TPTE: variants seen among roughly 807,000 people sequenced by gnomAD.
TPTE encodes transmembrane phosphatase with tensin homology.
A neutral mutation model predicts 84.1 loss-of-function variants in TPTE; 59 were observed. That is an observed-to-expected ratio of 0.70 (90% CI 0.57 to 0.87). TPTE has a LOEUF of 0.87. Ranked by LOEUF, TPTE falls within the 40% of genes least tolerant of loss-of-function variation. TPTE has a pLI of 0.00. For synonymous variants in TPTE, 130 were observed against 223.5 expected, an observed-to-expected ratio of 0.58 and a Z score of 3.73; for missense variants, 382 against 659.6, an observed-to-expected ratio of 0.58 and a Z score of 4.61.
intron 9 of TPTE, among the ~76,000 whole-genome samples, chr21:10,559,933 C>CAT (rs1263557858): frequency 3.8e-3 from 576 of 150,442 alleles, no homozygotes; most frequent in African/African-American, 0.013. Flanking sequence ...TCTATATATA[C>CAT]ATATATATAT....
At chr21:10,522,222 C>T (rs1242856791) in intron 1 of TPTE, among the ~76,000 whole-genome samples, 3 of 152,292 alleles carry the variant, frequency 2.0e-5, no homozygotes, top group African/African-American at 7.2e-5. Flanking sequence ...CCAGCTGGCT[C>T]CTGCGCTTCC....
chr21:10,558,498 C>T (rs2145667845), intron 8 of TPTE, among the ~76,000 whole-genome samples: 1 of 152,424 alleles, frequency 6.6e-6, no homozygotes, highest in African/African-American at 2.4e-5. Flanking sequence ...TTTCTCTAAT[C>T]TGTGATATTG....
chr21:10,557,288 C>A (rs1235605174), intron 8 of TPTE, among the ~76,000 whole-genome samples: 2 of 152,424 alleles, frequency 1.3e-5, no homozygotes, highest in African/African-American at 4.8e-5. Context: ...TATTTCCCTG[C>A]AAACTCTGCA....
intron 17 of TPTE, among the ~76,000 whole-genome samples, chr21:10,588,873 A>T (rs1201369829): frequency 6.6e-6 from 1 of 152,304 alleles, no homozygotes; most frequent in East Asian, 1.9e-4. Context: ...TTGATTTCTT[A>T]TTAAGATGTT....
intron 18 of TPTE, among the ~76,000 whole-genome samples, chr21:10,591,596 A>G (rs534383995): frequency 1.3e-3 from 194 of 152,084 alleles, no homozygotes; most frequent in African/African-American, 4.5e-3. Context: ...TTAAAAAACA[A>G]AAGGTTTGAA....
intron 10 of TPTE, among the ~76,000 whole-genome samples, chr21:10,561,512 A>G (rs1181355159): frequency 6.6e-6 from 1 of 151,946 alleles, no homozygotes; most frequent in Non-Finnish European, 1.5e-5. Context: ...AAAAAAAAGC[A>G]TTTTAAAATA....
rs149843545 is a variant in TPTE, at chr21:10,570,491, T to C, written c.737T>C (p.Ile246Thr). Residue 246 changes from isoleucine (I) to threonine (T), a missense_variant, in exon 14 of 24, where the codon ATT (isoleucine) becomes ACT (threonine). Ile to Thr is a moderately conservative substitution (Grantham distance 89). This residue lies in a region of TPTE where 85 missense variants were observed against 230.9 expected (regional missense o/e 0.37). Transcript: ENST00000618007. ...TGATGATTTTGACTTTTAGAACGTA[T>C]TATTGCTATGTCATTTCCATCTTCT... The part of the protein sequence containing the change: ...DLDLTYVTER[I>T]IAMSFPSSGR... The C allele has an allele frequency of 1.6e-3, 2,494 of 1,603,918 alleles. No individual in the cohort carries two copies. Among genetic ancestry groups the C allele is most frequent in the Middle Eastern group, 0.013 (76 of 5,878 alleles).
intron 4 of TPTE, among the ~76,000 whole-genome samples, chr21:10,539,299 C>G (rs889229033): frequency 6.6e-6 from 1 of 152,310 alleles, no homozygotes; most frequent in African/African-American, 2.4e-5. Context: ...CTCCAGAGCT[C>G]TGTCAACATA....
intron 14 of TPTE, among the ~76,000 whole-genome samples, chr21:10,574,843 A>G (rs2075119482): frequency 6.6e-6 from 1 of 152,308 alleles, no homozygotes; most frequent in African/African-American, 2.4e-5. Context: ...GATCTGATAC[A>G]CAGACCTGTA....
In TPTE at chr21:10,522,598, T is replaced by C. The variant is rs369685290; in HGVS notation, c.-211+904T>C. On this transcript the variant is annotated intron_variant, in intron 1 of 23. Transcript: ENST00000618007. ...TCTGCATTTCTCTAATAGATAGTGA[T>C]GATGACCAGTTTTTCATTTGCTTAT... 1.8e-4 allele frequency among the ~76,000 whole-genome samples: 27 copies of C among 152,412 alleles called. No individual in the cohort carries two copies. The East Asian group carries it at 5.2e-3, about 29-fold the overall frequency.
chr21:10,534,095 T>C (rs1213936147), intron 3 of TPTE, among the ~76,000 whole-genome samples: 1 of 152,312 alleles, frequency 6.6e-6, no homozygotes. Flanking sequence ...ATAATTGTGC[T>C]GTTAGTTTAC....
chr21:10,545,906 A>G lies in TPTE; in HGVS notation c.173+2524A>G, dbSNP rs545136899. ...GTCATGTATATATCCTTTAATATAT[A>G]TATGAGCATCTGTGTATATATATGT... On this transcript the variant is annotated intron_variant, in intron 7 of 23. Transcript: ENST00000618007. Among the ~76,000 whole-genome samples, 9 of 151,994 alleles carry G rather than the reference A, an allele frequency of 5.9e-5. No homozygotes were observed. In the South Asian group the frequency reaches 6.2e-4, roughly 11 times the overall value.
intron 10 of TPTE, among the ~76,000 whole-genome samples, chr21:10,564,466 C>T (rs1468846724): frequency 6.6e-6 from 1 of 152,308 alleles, no homozygotes; most frequent in African/African-American, 2.4e-5. Context: ...GCTGAGATCA[C>T]ACCACTGCAC....
Position 10,605,563 on chromosome 21 carries a change from C to T in TPTE, c.*11C>T, listed in dbSNP as rs200860223. 2.7e-3 allele frequency: 4,279 copies of T among 1,597,834 alleles called. No homozygotes were observed. The African/African-American group carries it at 0.032, about 12-fold the overall frequency. On this transcript the variant is annotated 3_prime_UTR_variant, in exon 24 of 24. Coordinates refer to ENST00000618007, the MANE Select transcript of TPTE (RefSeq NM_199261.4). ...GCTGGATCCGATTAAGTATAGCTCC[C>T]CCTTCCCCTTCTGGGAAAGAATTAT...
intron 3 of TPTE, among the ~76,000 whole-genome samples, chr21:10,536,809 C>G (rs2074274919): frequency 1.3e-5 from 2 of 152,308 alleles, no homozygotes; most frequent in South Asian, 4.1e-4. Context: ...CCCTTAGTAG[C>G]AGGCACATAC....
At chr21:10,594,274 C>T (rs1479128656) in intron 19 of TPTE, among the ~76,000 whole-genome samples, 2 of 152,312 alleles carry the variant, frequency 1.3e-5, no homozygotes, top group Non-Finnish European at 2.9e-5. Flanking sequence ...AGTCCCTTTC[C>T]CTTCTCAGCC....
At chr21:10,560,442 T>C (rs2074775132) in intron 9 of TPTE, among the ~76,000 whole-genome samples, 2 of 152,308 alleles carry the variant, frequency 1.3e-5, no homozygotes, top group African/African-American at 4.8e-5. Context: ...TTATGGAGAA[T>C]GTATTTAGAA....
At chr21:10,552,462 G>T (rs1351360389) in intron 7 of TPTE, among the ~76,000 whole-genome samples, 195 bp from the exon 8 acceptor site, 2 of 152,310 alleles carry the variant, frequency 1.3e-5, no homozygotes, top group African/African-American at 4.8e-5. Flanking sequence ...AGTGTTGGGA[G>T]TATCCATGAG....
intron 3 of TPTE, among the ~76,000 whole-genome samples, chr21:10,533,244 A>G (rs1366938166): frequency 3.3e-5 from 5 of 152,306 alleles, no homozygotes; most frequent in Admixed American, 3.3e-4. Flanking sequence ...ATCCCTCAAC[A>G]ATTTATATTT....
Sources: gnomAD v4.1 joint callset for allele counts (sites outside exome capture counted in the v4.1 genomes callset) on GRCh38, gnomAD v4.1.1 for gene constraint, gnomAD v4.1.1 regional missense constraint, MANE v1.5 for transcripts, NCBI Gene and HGNC (gene_info 2026-07-23, HGNC 2026-07-21) for gene names.